Variants in ADGRL3 observed in about 807,000 individuals in gnomAD.
ADGRL3 encodes the protein calcium-independent alpha-latrotoxin receptor 3.
A neutral mutation model predicts 153.5 loss-of-function variants in ADGRL3; 62 were observed. The ratio of observed to expected loss-of-function variants is 0.40; its 90% confidence interval spans 0.33 to 0.50. The LOEUF is 0.50. Ranked by LOEUF, ADGRL3 falls within the 20% of genes least tolerant of loss-of-function variation. The pLI is 0.47. For synonymous variants in ADGRL3, 710 were observed against 672.5 expected (o/e 1.06, Z -0.86); for missense variants, 1,641 against 1,859.4 (o/e 0.88, Z 2.16).
chr4:61,773,934 C>T (rs1347790151), intron 8 of ADGRL3, among the ~76,000 whole-genome samples: 6 of 152,256 alleles, frequency 3.9e-5, no homozygotes, highest in Admixed American at 1.3e-4. Context: ...TAAATATATG[C>T]GGGAAACTAA....
At chr4:61,999,905 A>G (rs974150938) in intron 21 of ADGRL3, among the ~76,000 whole-genome samples, 2 of 152,194 alleles carry the variant, frequency 1.3e-5, no homozygotes, top group Non-Finnish European at 2.9e-5. Context: ...GTAATTCTCA[A>G]TATTACTTAG....
chr4:61,200,879 C>T lies in ADGRL3; in HGVS notation c.-1126C>T, dbSNP rs1477025375. Reference sequence around the variant, plus strand: ...CCCGGCCGGCGAGCTAATCATCCACCCCACGGGCTCGGGGTTCGCCGGCCC... The same window carrying T: ...CCCGGCCGGCGAGCTAATCATCCACTCCACGGGCTCGGGGTTCGCCGGCCC... On this transcript the variant is annotated 5_prime_UTR_variant, in exon 1 of 27. Transcript: ENST00000683033. 6.6e-6 allele frequency among the ~76,000 whole-genome samples: 1 copy of T among 151,802 alleles called. No homozygotes were observed. Among genetic ancestry groups the T allele is most frequent in the Non-Finnish European group, 1.5e-5 (1 of 67,922 alleles).
chr4:61,629,721 C>CAAAA (rs59504485), intron 5 of ADGRL3, among the ~76,000 whole-genome samples: 8 of 33,446 alleles, frequency 2.4e-4, no homozygotes, highest in East Asian at 1.1e-3. Flanking sequence ...CGTCTCGGGG[C>CAAAA]AAAAAAAAAA....
intron 17 of ADGRL3, among the ~76,000 whole-genome samples, chr4:61,978,262 A>G (rs1438216681): frequency 6.6e-6 from 1 of 152,074 alleles, no homozygotes; most frequent in African/African-American, 2.4e-5. Context: ...ATAAAAATCA[A>G]TGTCATTGAT....
At chr4:61,524,042 A>T (rs1206293977) in intron 4 of ADGRL3, among the ~76,000 whole-genome samples, 1 of 152,100 alleles carries the variant, frequency 6.6e-6, no homozygotes, top group Non-Finnish European at 1.5e-5. Context: ...AAAGTATTAT[A>T]TGTGTGTTCC....
chr4:61,772,791 G>A (rs73823230), intron 8 of ADGRL3, among the ~76,000 whole-genome samples: 3,303 of 152,166 alleles, frequency 0.022, 83 homozygotes, highest in East Asian at 0.079. Context: ...TCCTGCATTT[G>A]CCATTTCTCA....
chr4:61,884,344 T>C (rs1331342263), intron 9 of ADGRL3, among the ~76,000 whole-genome samples: 1 of 152,172 alleles, frequency 6.6e-6, no homozygotes, highest in Non-Finnish European at 1.5e-5. Context: ...TCTCTGTGCC[T>C]CAGTTATGCA....
chr4:61,246,262 A>G (rs1315496872), intron 1 of ADGRL3, among the ~76,000 whole-genome samples: 1 of 152,032 alleles, frequency 6.6e-6, no homozygotes, highest in Non-Finnish European at 1.5e-5. Context: ...CAAGTCCCTT[A>G]TTACATAAAA....
intron 26 of ADGRL3, 137 bp from the exon 27 acceptor site, chr4:62,069,972 C>T: frequency 1.4e-6 from 1 of 699,580 alleles, no homozygotes; most frequent in African/African-American, 1.8e-5. Context: ...TGTTTCCTTC[C>T]AAACATTTTA....
chr4:61,282,376 A>G (rs530763261), intron 1 of ADGRL3, among the ~76,000 whole-genome samples: 41 of 152,166 alleles, frequency 2.7e-4, no homozygotes, highest in Admixed American at 3.9e-4. Context: ...ATGAGATTTT[A>G]TATCACATTT....
intron 2 of ADGRL3, among the ~76,000 whole-genome samples, chr4:61,418,882 G>A (rs567585160): frequency 5.2e-4 from 78 of 150,406 alleles, no homozygotes; most frequent in Non-Finnish European, 9.7e-4. Context: ...AACTTCTATC[G>A]TGTATAAAAA....
chr4:61,777,150 C>T (rs373376529), intron 8 of ADGRL3, among the ~76,000 whole-genome samples: 1 of 152,106 alleles, frequency 6.6e-6, no homozygotes, highest in East Asian at 1.9e-4. Context: ...CTGGCTAACA[C>T]GGTGAAACCC....
At chr4:61,497,515 C>CTTTTT (rs5858707) in intron 3 of ADGRL3, among the ~76,000 whole-genome samples, 167 bp downstream of exon 3, 1 of 95,304 alleles carries the variant, frequency 1.0e-5, no homozygotes, top group Non-Finnish European at 2.3e-5. Flanking sequence ...CTTTTCTTTT[C>CTTTTT]TTTTTTTTTT....
At chr4:61,604,121 C>A (rs1160046691) in intron 5 of ADGRL3, among the ~76,000 whole-genome samples, 1 of 151,882 alleles carries the variant, frequency 6.6e-6, no homozygotes, top group Non-Finnish European at 1.5e-5. Context: ...TACTGAAGCC[C>A]TGGGCTGTTC....
At chr4:61,302,066 G>T (rs1221887172) in intron 1 of ADGRL3, among the ~76,000 whole-genome samples, 1 of 152,122 alleles carries the variant, frequency 6.6e-6, no homozygotes, top group East Asian at 1.9e-4. Flanking sequence ...CTGGTCTCAA[G>T]AAGTTATTTT....
At chr4:61,709,049 T>C (rs2095910801) in intron 6 of ADGRL3, among the ~76,000 whole-genome samples, 1 of 152,056 alleles carries the variant, frequency 6.6e-6, no homozygotes, top group South Asian at 2.1e-4. Context: ...CCTCAGGTGA[T>C]CTGCCCGTCT....
chr4:61,972,142 GC>G (rs2099030434), intron 17 of ADGRL3, among the ~76,000 whole-genome samples: 4 of 151,990 alleles, frequency 2.6e-5, no homozygotes, highest in Admixed American at 2.6e-4. Flanking sequence ...CTTTTGCTGT[GC>G]AGAAGCTCTT....
chr4:61,617,563 A>G (rs75635058), intron 5 of ADGRL3, among the ~76,000 whole-genome samples: 3,356 of 152,290 alleles, frequency 0.022, 48 homozygotes, highest in Non-Finnish European at 0.036. Context: ...AGTTTCCTGT[A>G]AGAAAAACAC....
chr4:61,880,046 G>A (rs993087574), intron 9 of ADGRL3, among the ~76,000 whole-genome samples: 10 of 152,100 alleles, frequency 6.6e-5, no homozygotes, highest in South Asian at 2.1e-4. Flanking sequence ...TTTAAAAGGC[G>A]GTGGGTAGGC....
Sources: gnomAD v4.1 joint callset for allele counts (sites outside exome capture counted in the v4.1 genomes callset) on GRCh38, gnomAD v4.1.1 for gene constraint, MANE v1.5 for transcripts, NCBI Gene and HGNC (gene_info 2026-07-23, HGNC 2026-07-21) for gene names.